The following AJAP1 variants were observed in gnomAD, a reference collection of about 807,000 sequenced individuals.
AJAP1 encodes the protein adherens junction-associated protein 1.
AJAP1 carries 5 observed loss-of-function variants against 35.0 expected under a neutral mutation model. The observed-to-expected ratio is 0.14, with a 90% CI of 0.07 to 0.30. AJAP1 has a LOEUF of 0.30. AJAP1 is among the 10% of genes least tolerant of loss of function. The pLI is 1.00. For synonymous variants in AJAP1, 284 were observed against 249.3 expected (o/e 1.14, Z -1.31); for missense variants, 586 against 571.0 (o/e 1.03, Z -0.27).
At chr1:4,695,736 CTTCTT>C (rs1163870456) in intron 1 of AJAP1, among the ~76,000 whole-genome samples, 3 of 152,184 alleles carry the variant, frequency 2.0e-5, no homozygotes, top group East Asian at 1.9e-4. Flanking sequence ...GTTCTCATCT[CTTCTT>C]TTAAGTCCCT....
At chr1:4,657,102 AT>A (rs556958377) in intron 1 of AJAP1, among the ~76,000 whole-genome samples, 81 of 151,584 alleles carry the variant, frequency 5.3e-4, no homozygotes, top group African/African-American at 1.8e-3. Flanking sequence ...TTGAACAGAC[AT>A]TTTTTTTTAT....
chr1:4,769,791 G>GC (rs1322576670), intron 2 of AJAP1, 62 bp from the exon 3 acceptor site: 20 of 1,440,694 alleles, frequency 1.4e-5, no homozygotes, highest in Non-Finnish European at 2.0e-5. Context: ...ACCTTTCCCG[G>GC]CCCCCCTCGC....
intron 1 of AJAP1, among the ~76,000 whole-genome samples, chr1:4,701,948 C>G (rs1405979818): frequency 6.6e-6 from 1 of 152,200 alleles, no homozygotes; most frequent in East Asian, 1.9e-4. Context: ...CCCCGCCATG[C>G]ACAGCCATTC....
At chr1:4,763,524 C>T (rs1315277572) in intron 2 of AJAP1, among the ~76,000 whole-genome samples, 3 of 152,222 alleles carry the variant, frequency 2.0e-5, no homozygotes, top group Admixed American at 2.0e-4. Flanking sequence ...GAGGAATGCC[C>T]AGAGAGCTGG....
intron 1 of AJAP1, among the ~76,000 whole-genome samples, chr1:4,657,689 G>A (rs1419295648): frequency 3.4e-5 from 5 of 146,610 alleles, no homozygotes; most frequent in Admixed American, 6.8e-5. Context: ...CCATGGGAGA[G>A]GTGCAGTGTA....
chr1:4,719,098 C>T (rs758408201), intron 2 of AJAP1, among the ~76,000 whole-genome samples: 5 of 152,128 alleles, frequency 3.3e-5, no homozygotes, highest in South Asian at 2.1e-4. Flanking sequence ...GATTGCCATC[C>T]GCTCACAGGG....
chr1:4,698,519 C>T (rs769249658), intron 1 of AJAP1, among the ~76,000 whole-genome samples: 3 of 152,160 alleles, frequency 2.0e-5, no homozygotes, highest in Non-Finnish European at 2.9e-5. Flanking sequence ...GAGGCCAGGC[C>T]GGCCTTCCCC....
chr1:4,693,218 G>A lies in AJAP1; in HGVS notation c.30-18682G>A, dbSNP rs1456007172. 6.6e-6 allele frequency among the ~76,000 whole-genome samples: 1 copy of A among 152,114 alleles called. No individual in the cohort carries two copies. The highest frequency in any genetic ancestry group is 2.1e-4 in the South Asian group (1 of 4,830). ...CCAGGATTCAAAGGCCCACCCGAGT[G>A]GGGAGGCGCCCATGGGAACTTTAGA... is the stretch of plus-strand genomic sequence containing the variant. On this transcript the variant is annotated intron_variant, in intron 1 of 5. Coordinates refer to ENST00000378191, the MANE Select transcript of AJAP1 (RefSeq NM_018836.4). The surrounding 1 kb of genome is among the most constrained non-coding windows in gnomAD (Gnocchi z 4.4).
Position 4,693,346 on chromosome 1 carries a change from TG to T in AJAP1, c.30-18549del. Among the ~76,000 whole-genome samples, 1 of 82,490 alleles carries T rather than the reference TG, an allele frequency of 1.2e-5. No homozygotes were observed. Among genetic ancestry groups the T allele is most frequent in the African/African-American group, 4.8e-5 (1 of 20,746 alleles). The allele number at this position is 82,490 out of a possible 152,430, so 54.1% of individuals were successfully genotyped here. The stretch of plus-strand genomic sequence containing the variant: ...CTCGGCTTCGGAGGGAAGAACCCCA[TG>T]GGGGACTGGGAGTCATGGAGGGCTT... On this transcript the variant is annotated intron_variant, in intron 1 of 5. Coordinates refer to ENST00000378191, the MANE Select transcript of AJAP1 (RefSeq NM_018836.4). This position sits in a 1 kb window ranked among gnomAD's most constrained non-coding sequence, Gnocchi z 4.4.
At chr1:4,710,103 C>T (rs1430061226) in intron 1 of AJAP1, among the ~76,000 whole-genome samples, 3 of 152,054 alleles carry the variant, frequency 2.0e-5, no homozygotes, top group South Asian at 2.1e-4. Flanking sequence ...GATACACTCG[C>T]ATGCTCACAC....
chr1:4,748,263 G>A (rs1322744757), intron 2 of AJAP1, among the ~76,000 whole-genome samples: 1 of 152,168 alleles, frequency 6.6e-6, no homozygotes, highest in Non-Finnish European at 1.5e-5. Context: ...CGCTTCTGCT[G>A]TGTGGGGTGC....
At chr1:4,675,835 A>C (rs1639350127) in intron 1 of AJAP1, among the ~76,000 whole-genome samples, 1 of 152,214 alleles carries the variant, frequency 6.6e-6, no homozygotes, top group Non-Finnish European at 1.5e-5. Context: ...ACCTGCCCTG[A>C]AGATGGTGTG....
Position 4,787,848 on chromosome 1 carries a change from G to A in AJAP1, c.*5363G>A, listed in dbSNP as rs1386752808. ...CCAGAAGGCAGCTGCATCTCCAGAA[G>A]CTCCCCCAGCACTGAGCTCACTTAG... On this transcript the variant is annotated 3_prime_UTR_variant, in exon 6 of 6. Coordinates refer to ENST00000378191, the MANE Select transcript of AJAP1 (RefSeq NM_018836.4). The A allele has an allele frequency of 2.0e-5, 9 of 447,334 alleles. No homozygotes were observed. Among genetic ancestry groups the A allele is most frequent in the Non-Finnish European group, 4.1e-5 (9 of 221,412 alleles). 27.7% of individuals were successfully genotyped at this position (447,334 alleles called of 1,614,324 possible). A position where few individuals can be genotyped will look rare whatever the true frequency, so the allele number is the denominator to read the frequency against.
chr1:4,686,089 G>A (rs1228839009), intron 1 of AJAP1, among the ~76,000 whole-genome samples: 1 of 152,232 alleles, frequency 6.6e-6, no homozygotes, highest in Admixed American at 6.5e-5. Flanking sequence ...TCTGGCATGT[G>A]CCAGGCACGA....
At chr1:4,774,807 G>A (rs945687926) in intron 5 of AJAP1, among the ~76,000 whole-genome samples, 1 of 152,026 alleles carries the variant, frequency 6.6e-6, no homozygotes, top group Admixed American at 6.5e-5. Context: ...CTGATTCCAC[G>A]TCCTCACTAT....
intron 1 of AJAP1, among the ~76,000 whole-genome samples, chr1:4,694,418 C>T (rs1639812437): frequency 6.6e-6 from 1 of 152,206 alleles, no homozygotes; most frequent in African/African-American, 2.4e-5. Context: ...ACCATTCATT[C>T]ATTCAGTCTC....
At chr1:4,739,588 C>G (rs1193300307) in intron 2 of AJAP1, among the ~76,000 whole-genome samples, 2 of 152,196 alleles carry the variant, frequency 1.3e-5, no homozygotes, top group African/African-American at 4.8e-5. Context: ...GTCATCTTGG[C>G]TGGTATTTCA....
chr1:4,724,312 T>A (rs2100287848), intron 2 of AJAP1, among the ~76,000 whole-genome samples: 1 of 152,138 alleles, frequency 6.6e-6, no homozygotes, highest in Non-Finnish European at 1.5e-5. Flanking sequence ...AGGATTTCTG[T>A]CCCCTCTGGC....
chr1:4,726,306 GA>G (rs1386715923), intron 2 of AJAP1, among the ~76,000 whole-genome samples: 4 of 152,140 alleles, frequency 2.6e-5, no homozygotes, highest in African/African-American at 9.7e-5. Context: ...GGCAGTACTG[GA>G]AACTCACAGT....
Sources: allele counts gnomAD v4.1 joint callset (sites outside exome capture counted in the v4.1 genomes callset), GRCh38; gene constraint gnomAD v4.1.1; non-coding constraint Gnocchi (gnomAD v3.1); transcripts MANE v1.5; gene names NCBI Gene and HGNC (gene_info 2026-07-23, HGNC 2026-07-21).